The following GRM5 variants were observed in gnomAD, a reference collection of about 807,000 sequenced individuals.
GRM5 encodes glutamate metabotropic receptor 5, also known as metabotropic glutamate receptor 5.
In GRM5, 19 loss-of-function variants were observed where a neutral mutation model predicts 83.1. The observed-to-expected ratio is 0.23, with a 90% CI of 0.16 to 0.34. GRM5 has a LOEUF of 0.34. GRM5 is among the 10% of genes least tolerant of loss of function. The pLI is 1.00. For missense variants in GRM5, 1,160 were observed against 1,588.3 expected, an observed-to-expected ratio of 0.73 and a Z score of 4.58; for synonymous variants, 675 against 633.6, an observed-to-expected ratio of 1.07 and a Z score of -0.98.
At chr11:89,056,226 A>C (rs535897579) in intron 1 of GRM5, among the ~76,000 whole-genome samples, 15 of 152,314 alleles carry the variant, frequency 9.8e-5, no homozygotes, top group African/African-American at 3.6e-4. Context: ...TGAATGTAGA[A>C]TATAAAAGAT....
At chr11:88,632,638 GT>G (rs914786231) in intron 4 of GRM5, among the ~76,000 whole-genome samples, 5 of 152,084 alleles carry the variant, frequency 3.3e-5, no homozygotes, top group African/African-American at 1.2e-4. Flanking sequence ...GAATATTTAG[GT>G]TTTTTGGCGT....
intron 2 of GRM5, among the ~76,000 whole-genome samples, chr11:88,899,094 T>G (rs1945278760): frequency 6.6e-6 from 1 of 151,988 alleles, no homozygotes; most frequent in African/African-American, 2.4e-5. Context: ...GATTGTGATC[T>G]TTAGATTTTT....
chr11:88,926,094 C>A (rs183425950), intron 2 of GRM5, among the ~76,000 whole-genome samples: 1 of 152,270 alleles, frequency 6.6e-6, no homozygotes, highest in East Asian at 1.9e-4. Context: ...ATTATATGCA[C>A]AACACTATGT....
At chr11:88,922,440 C>T (rs960711826) in intron 2 of GRM5, among the ~76,000 whole-genome samples, 1 of 152,116 alleles carries the variant, frequency 6.6e-6, no homozygotes. Flanking sequence ...CAACAGTGAA[C>T]TCATTTTTGA....
chr11:88,597,501 A>T (rs1382628457), intron 5 of GRM5, 149 bp from the exon 6 acceptor site: 2 of 517,506 alleles, frequency 3.9e-6, no homozygotes, highest in African/African-American at 3.9e-5. Flanking sequence ...TAACAAAAAA[A>T]ATCTGTCTAT....
intron 3 of GRM5, among the ~76,000 whole-genome samples, chr11:88,785,470 G>T (rs895915379): frequency 6.6e-6 from 1 of 152,014 alleles, no homozygotes; most frequent in Non-Finnish European, 1.5e-5. Flanking sequence ...AATTGAAAAA[G>T]ATGAAATAAA....
chr11:89,054,776 C>T (rs903238717), intron 1 of GRM5, among the ~76,000 whole-genome samples: 10 of 151,984 alleles, frequency 6.6e-5, no homozygotes, highest in South Asian at 2.1e-4. Flanking sequence ...AATAAAGGGA[C>T]GGTATGCTTT....
At chr11:89,057,732 G>A (rs1285302845) in intron 1 of GRM5, among the ~76,000 whole-genome samples, 2 of 152,064 alleles carry the variant, frequency 1.3e-5, no homozygotes, top group African/African-American at 4.8e-5. Flanking sequence ...GTATACCTCT[G>A]AAGACTGTAA....
rs562767890 is a variant in GRM5 at position 88,532,578 on chromosome 11, G to C, written c.2631-7174C>G. On this transcript the variant is annotated intron_variant, in intron 8 of 9. Coordinates refer to ENST00000305447, the MANE Select transcript of GRM5 (RefSeq NM_001143831.3). ...ACCATGTGAATAAACCCTAAACATA[G>C]TGCCTCCATTATGTAAGCCCTCAAC... Among the ~76,000 whole-genome samples, 4 of 152,240 alleles carry C rather than the reference G, an allele frequency of 2.6e-5. No homozygotes were observed. In the South Asian group the frequency reaches 6.2e-4, roughly 24 times the overall value.
At chr11:88,729,144 A>G (rs1420707099) in intron 3 of GRM5, among the ~76,000 whole-genome samples, 1 of 152,204 alleles carries the variant, frequency 6.6e-6, no homozygotes, top group East Asian at 1.9e-4. Context: ...ATAGCCCAAA[A>G]TCTCCTTAAG....
At chr11:88,746,212 C>T (rs184213903) in intron 3 of GRM5, among the ~76,000 whole-genome samples, 1 of 152,246 alleles carries the variant, frequency 6.6e-6, no homozygotes, top group East Asian at 1.9e-4. Flanking sequence ...CTAGGAATAG[C>T]ATCATCATTA....
chr11:88,882,248 G>GTTAA (rs1555033920), intron 2 of GRM5, among the ~76,000 whole-genome samples: 3 of 143,924 alleles, frequency 2.1e-5, no homozygotes, highest in Non-Finnish European at 4.5e-5. Context: ...AAATAAGTAA[G>GTTAA]TAAATAAATA....
At chr11:88,662,873 G>A (rs185638473) in intron 3 of GRM5, among the ~76,000 whole-genome samples, 17 of 152,260 alleles carry the variant, frequency 1.1e-4, no homozygotes, top group African/African-American at 4.1e-4. Context: ...AATATATTTG[G>A]AAGCAGATTC....
chr11:88,607,562 C>T (rs2135236193), intron 4 of GRM5, among the ~76,000 whole-genome samples: 1 of 152,266 alleles, frequency 6.6e-6, no homozygotes, highest in Non-Finnish European at 1.5e-5. Flanking sequence ...ATCAAACTTC[C>T]CAGTGACTTT....
At chr11:88,789,117 A>G (rs768170379) in intron 3 of GRM5, among the ~76,000 whole-genome samples, 2 of 152,242 alleles carry the variant, frequency 1.3e-5, no homozygotes, top group African/African-American at 4.8e-5. Flanking sequence ...GTTCTAAACC[A>G]GACCCAGATA....
At chr11:88,872,613 G>T (rs1039913834) in intron 2 of GRM5, among the ~76,000 whole-genome samples, 3 of 151,284 alleles carry the variant, frequency 2.0e-5, no homozygotes, top group African/African-American at 4.8e-5. Flanking sequence ...TAGAATAAGA[G>T]ATTTTAATAA....
intron 8 of GRM5, among the ~76,000 whole-genome samples, chr11:88,545,696 T>C (rs1391655899): frequency 6.6e-6 from 1 of 152,294 alleles, no homozygotes; most frequent in East Asian, 1.9e-4. Flanking sequence ...TTATACATTC[T>C]AGTTGAAACC....
intron 3 of GRM5, among the ~76,000 whole-genome samples, chr11:88,665,389 A>G (rs991179066): frequency 6.6e-6 from 1 of 152,176 alleles, no homozygotes; most frequent in Admixed American, 6.5e-5. Context: ...ATTTCTGTAC[A>G]TAAACACAGA....
chr11:88,921,769 G>T (rs1056593513), intron 2 of GRM5, among the ~76,000 whole-genome samples: 17 of 152,088 alleles, frequency 1.1e-4, no homozygotes, highest in Non-Finnish European at 1.9e-4. Flanking sequence ...GCCATCAATA[G>T]AAAGAAGTAA....
Sources: gnomAD v4.1 joint callset for allele counts (sites outside exome capture counted in the v4.1 genomes callset) on GRCh38, gnomAD v4.1.1 for gene constraint, MANE v1.5 for transcripts, NCBI Gene and HGNC (gene_info 2026-07-23, HGNC 2026-07-21) for gene names.